The following GRHL2 variants were observed in gnomAD, a reference collection of about 807,000 sequenced individuals.
GRHL2 encodes the protein grainyhead-like protein 2 homolog.
Under a neutral mutation model 83.8 loss-of-function variants are expected in GRHL2, and 21 were observed. The ratio of observed to expected loss-of-function variants is 0.25; its 90% CI spans 0.18 to 0.36. The LOEUF is 0.36. Among genes scored for constraint, GRHL2 ranks in the 10% least tolerant of loss-of-function variants. The probability of loss-of-function intolerance (pLI) is 1.00; values close to 1 mark genes in which losing one functional copy is unlikely to be tolerated. For missense variants in GRHL2, 623 were observed against 781.8 expected (o/e 0.80, Z 2.42); for synonymous variants, 280 against 278.9 (o/e 1.00, Z -0.04).
chr8:101,619,480 C>T (rs372736734), intron 8 of GRHL2, 59 bp from the exon 9 acceptor site: 23 of 1,483,176 alleles, frequency 1.6e-5, no homozygotes, highest in Middle Eastern at 1.7e-4. Context: ...AAAGTTTATG[C>T]GTTTATTGTA....
intron 8 of GRHL2, among the ~76,000 whole-genome samples, chr8:101,604,586 C>G (rs1007917862): frequency 3.9e-5 from 6 of 152,272 alleles, no homozygotes; most frequent in Non-Finnish European, 7.3e-5. Context: ...TTCAGGAACA[C>G]TTTTCCTTTT....
At chr8:101,509,246 T>TGTGTGTGTGTGTG (rs1810416630) in intron 1 of GRHL2, among the ~76,000 whole-genome samples, 4 of 136,688 alleles carry the variant, frequency 2.9e-5, no homozygotes, top group African/African-American at 1.1e-4. Flanking sequence ...TGTGTGTGTG[T>TGTGTGTGTGTGTG]TTTGGCCTAT....
intron 13 of GRHL2, among the ~76,000 whole-genome samples, chr8:101,648,743 C>G (rs1023737277): frequency 1.3e-5 from 2 of 152,088 alleles, no homozygotes; most frequent in African/African-American, 4.8e-5. Flanking sequence ...CTGGAGTTTG[C>G]TCTCCCTCTT....
At chr8:101,514,919 T>A (rs1467452925) in intron 1 of GRHL2, among the ~76,000 whole-genome samples, 1 of 151,446 alleles carries the variant, frequency 6.6e-6, no homozygotes, top group Non-Finnish European at 1.5e-5. Context: ...TCCTCCTTGT[T>A]CTTTCTTCTT....
At chr8:101,589,011 G>A (rs919946465) in intron 7 of GRHL2, among the ~76,000 whole-genome samples, 3 of 152,146 alleles carry the variant, frequency 2.0e-5, no homozygotes, top group South Asian at 4.1e-4. Flanking sequence ...CCTGTTTGTC[G>A]GGGTGATTAC....
chr8:101,493,466 A>C (rs1412902034), intron 1 of GRHL2, among the ~76,000 whole-genome samples: 19 of 129,994 alleles, frequency 1.5e-4, no homozygotes, highest in African/African-American at 5.0e-4. Flanking sequence ...CCGCCCCCGC[A>C]TTGTTTGGCC....
intron 14 of GRHL2, among the ~76,000 whole-genome samples, chr8:101,649,767 C>T (rs778658081): frequency 7.2e-5 from 11 of 152,162 alleles, no homozygotes; most frequent in Non-Finnish European, 1.3e-4. Context: ...ACTGAGTTCT[C>T]ACTTGTCTCT....
At position 101,619,624 on chromosome 8, in the gene GRHL2, C is replaced by T; in HGVS notation, c.1184C>T (p.Thr395Ile). ...KGLPLMIQID[T>I]YSYNNRSNKP... ...CTTCCTTTGATGATTCAGATTGACA[C>T]ATACAGTTATAACAATCGTAGCAAT... The change falls in exon 9 of 16, where the codon ACA becomes ATA. Residue 395 changes from threonine to isoleucine, a missense_variant. This residue lies in a region of GRHL2 where 24 missense variants were observed against 25.5 expected (regional missense o/e 0.94). Coordinates refer to ENST00000646743, the MANE Select transcript of GRHL2 (RefSeq NM_024915.4). 1 of 1,612,624 alleles carries T rather than the reference C, an allele frequency of 6.2e-7. No individual in the cohort carries two copies. Among genetic ancestry groups the T allele is most frequent in the Non-Finnish European group, 8.5e-7 (1 of 1,178,706 alleles).
intron 3 of GRHL2, among the ~76,000 whole-genome samples, chr8:101,556,149 G>A (rs1472536592): frequency 2.6e-5 from 4 of 152,094 alleles, no homozygotes; most frequent in Admixed American, 6.5e-5. Flanking sequence ...TAGAGATGGC[G>A]TTTCTCCATG....
chr8:101,566,611 AT>A (rs767444159), intron 4 of GRHL2, among the ~76,000 whole-genome samples: 1 of 147,996 alleles, frequency 6.8e-6, no homozygotes, highest in Non-Finnish European at 1.5e-5. Context: ...TATTATTATA[AT>A]TAATATAATT....
intron 9 of GRHL2, among the ~76,000 whole-genome samples, chr8:101,625,017 C>T: frequency 6.6e-6 from 1 of 152,084 alleles, no homozygotes; most frequent in East Asian, 1.9e-4. Flanking sequence ...CAGCTTATGT[C>T]TTTAATTCAG....
intron 8 of GRHL2, among the ~76,000 whole-genome samples, chr8:101,607,393 G>A (rs1180760412): frequency 6.6e-6 from 1 of 152,182 alleles, no homozygotes. Context: ...TGCCCTGTGG[G>A]TTCATGACCT....
rs192066770 is a variant in GRHL2, at chr8:101,523,545, G to A, written c.21-19696G>A. ...AGGCTGGAGTGTGGTGGCACATCACGGCTCACTGCAACCTCAATCTCCAGG... is the reference window on the plus strand; with the variant it reads ...AGGCTGGAGTGTGGTGGCACATCACAGCTCACTGCAACCTCAATCTCCAGG... On this transcript the variant is annotated intron_variant, in intron 1 of 15. Transcript: ENST00000646743. Among the ~76,000 whole-genome samples the A allele has an allele frequency of 4.5e-4, 67 of 150,012 alleles. No individual in the cohort carries two copies. In the East Asian group the frequency reaches 0.012, roughly 28 times the overall value.
chr8:101,515,147 C>CCTCCCTCTTT (rs1554582167), intron 1 of GRHL2, among the ~76,000 whole-genome samples: 12 of 138,358 alleles, frequency 8.7e-5, no homozygotes, highest in Non-Finnish European at 1.5e-5. Flanking sequence ...GACTCAACTC[C>CCTCCCTCTTT]CTCTCTCTTT....
intron 6 of GRHL2, 124 bp downstream of exon 6, chr8:101,573,948 T>C: frequency 8.9e-7 from 1 of 1,127,024 alleles, no homozygotes; most frequent in Non-Finnish European, 1.3e-6. Flanking sequence ...CTAGAACGAA[T>C]GTCAGAGAGT....
chr8:101,528,679 C>T (rs1271361914), intron 1 of GRHL2: 4 of 217,128 alleles, frequency 1.8e-5, no homozygotes, highest in Non-Finnish European at 1.9e-5. Context: ...AATCCCATAG[C>T]GCGAGGCTCT....
At chr8:101,571,771 A>T (rs1235353678) in intron 5 of GRHL2, among the ~76,000 whole-genome samples, 9 of 152,078 alleles carry the variant, frequency 5.9e-5, no homozygotes, top group Admixed American at 5.9e-4. Context: ...TCCTCCCCAG[A>T]TCATCTTATT....
intron 1 of GRHL2, 47 bp from the exon 2 acceptor site, chr8:101,543,194 A>G: frequency 6.9e-7 from 1 of 1,453,060 alleles, no homozygotes; most frequent in Middle Eastern, 1.8e-4. Flanking sequence ...GGGGTAAAAA[A>G]TTTGCTCTCT....
intron 14 of GRHL2, among the ~76,000 whole-genome samples, chr8:101,663,925 C>T (rs1349595612): frequency 1.3e-5 from 2 of 150,818 alleles, no homozygotes; most frequent in African/African-American, 2.4e-5. Flanking sequence ...TTCTGTACTG[C>T]GTTTTTAAAG....
Sources: allele counts gnomAD v4.1 joint callset (sites outside exome capture counted in the v4.1 genomes callset), GRCh38; gene constraint gnomAD v4.1.1; regional missense constraint gnomAD v4.1.1; transcripts MANE v1.5; gene names NCBI Gene and HGNC (gene_info 2026-07-23, HGNC 2026-07-21).